The following LIPC variants were observed in gnomAD, a reference collection of about 807,000 sequenced individuals.
The protein encoded by LIPC is hepatic triacylglycerol lipase.
In LIPC, 44 loss-of-function variants were observed where a neutral mutation model predicts 50.7. The observed-to-expected ratio is 0.87, with a 90% CI of 0.68 to 1.11. The LOEUF is 1.11. Ranked by LOEUF, LIPC falls within the 50% of genes most tolerant of loss-of-function variation. The pLI is 0.00. For synonymous variants in LIPC, 271 were observed against 256.4 expected (o/e 1.06, Z -0.54); for missense variants, 697 against 648.2 (o/e 1.08, Z -0.82).
At chr15:58,469,198 G>A (rs1894693932) in intron 1 of LIPC, among the ~76,000 whole-genome samples, 1 of 150,882 alleles carries the variant, frequency 6.6e-6, no homozygotes, top group Admixed American at 6.6e-5. Flanking sequence ...GCAGTGGCAT[G>A]ATCGTAGTTT....
chr15:58,473,128 A>G (rs975225845), intron 1 of LIPC, among the ~76,000 whole-genome samples: 1 of 152,116 alleles, frequency 6.6e-6, no homozygotes, highest in Non-Finnish European at 1.5e-5. Flanking sequence ...TCAACCAAGG[A>G]TCAGCACTGG....
At chr15:58,561,917 C>T (rs1894177221) in intron 7 of LIPC, among the ~76,000 whole-genome samples, 1 of 152,146 alleles carries the variant, frequency 6.6e-6, no homozygotes, top group Non-Finnish European at 1.5e-5. Context: ...ATGCCCTTGG[C>T]TGAGAGGAGG....
At chr15:58,502,374 C>G (rs954577625) in intron 1 of LIPC, among the ~76,000 whole-genome samples, 1 of 152,120 alleles carries the variant, frequency 6.6e-6, no homozygotes, top group African/African-American at 2.4e-5. Flanking sequence ...TAGCTGCCAT[C>G]CCGAGTTTTA....
At chr15:58,488,560 T>A (rs1211717259) in intron 1 of LIPC, among the ~76,000 whole-genome samples, 2 of 152,240 alleles carry the variant, frequency 1.3e-5, no homozygotes, top group Non-Finnish European at 2.9e-5. Flanking sequence ...CATTCATTTC[T>A]TTCCTATATG....
intron 1 of LIPC, among the ~76,000 whole-genome samples, chr15:58,443,647 C>T (rs1344441052): frequency 6.6e-6 from 1 of 152,182 alleles, no homozygotes; most frequent in Non-Finnish European, 1.5e-5. Flanking sequence ...AAGACAACAC[C>T]TGAGAAAGCT....
At chr15:58,451,600 A>G (rs1244420389) in intron 1 of LIPC, among the ~76,000 whole-genome samples, 1 of 152,142 alleles carries the variant, frequency 6.6e-6, no homozygotes, top group South Asian at 2.1e-4. Flanking sequence ...GGAGAATGGG[A>G]TGTCTGATTG....
At chr15:58,481,640 T>TA (rs34548319) in intron 1 of LIPC, among the ~76,000 whole-genome samples, 15,495 of 151,902 alleles carry the variant, frequency 0.1, 1,041 homozygotes, top group Middle Eastern at 0.18. Flanking sequence ...CCATCTCTTC[T>TA]AAAAAAATAT....
At chr15:58,492,370 A>G in intron 1 of LIPC, among the ~76,000 whole-genome samples, 1 of 152,226 alleles carries the variant, frequency 6.6e-6, no homozygotes, top group Non-Finnish European at 1.5e-5. Context: ...ATGTTACTAT[A>G]ATATACATAG....
At position 58,563,578 on chromosome 15, in the gene LIPC, A is replaced by G. The variant is rs1352838129; in HGVS notation, c.1243A>G (p.Met415Val). The part of the protein sequence containing the change: ...TLDVDIGELI[M>V]IKFKWENSAV... ...GGATGTGGATATCGGCGAGCTGATC[A>G]TGATCAAGTTCAAGTGGGAAAACAG... Residue 415 changes from methionine to valine, a missense_variant, in exon 8 of 9, where the codon ATG becomes GTG. Coordinates refer to ENST00000299022, the MANE Select transcript of LIPC (RefSeq NM_000236.3). The G allele has an allele frequency of 1.9e-6, 3 of 1,614,080 alleles. No homozygotes were observed. Among genetic ancestry groups the G allele is most frequent in the Non-Finnish European group, 1.7e-6 (2 of 1,180,044 alleles).
chr15:58,509,655 G>C (rs1352884775), intron 1 of LIPC, among the ~76,000 whole-genome samples: 1 of 151,910 alleles, frequency 6.6e-6, no homozygotes, highest in Non-Finnish European at 1.5e-5. Context: ...TCCCCAGTAA[G>C]CCAGGACTCT....
intron 1 of LIPC, among the ~76,000 whole-genome samples, chr15:58,474,513 GAAAA>G (rs67354532): frequency 3.1e-5 from 4 of 130,782 alleles, no homozygotes; most frequent in Admixed American, 7.6e-5. Flanking sequence ...CCTGTCTCAG[GAAAA>G]AAAAAAAAAA....
At chr15:58,457,356 C>T (rs777848621) in intron 1 of LIPC, among the ~76,000 whole-genome samples, 5 of 152,176 alleles carry the variant, frequency 3.3e-5, no homozygotes, top group African/African-American at 7.2e-5. Context: ...GTGATCTGCC[C>T]GCTTCAGCCT....
chr15:58,482,041 C>T lies in LIPC; in HGVS notation c.88+49921C>T, dbSNP rs569699239. 2.6e-5 allele frequency among the ~76,000 whole-genome samples: 4 copies of T among 152,250 alleles called. No homozygotes were observed. The South Asian group carries it at 6.2e-4, about 24-fold the overall frequency. ...GCAGGAGGAGACTTGTCACTATATT[C>T]GGTATTCTCATTCATATGGACTAAA... On this transcript the variant is annotated intron_variant, in intron 1 of 8. Coordinates refer to ENST00000299022, the MANE Select transcript of LIPC (RefSeq NM_000236.3).
chr15:58,533,755 C>T (rs1893025386), intron 1 of LIPC, among the ~76,000 whole-genome samples: 1 of 152,012 alleles, frequency 6.6e-6, no homozygotes, highest in Admixed American at 6.6e-5. Context: ...CATAAGAAAA[C>T]ATTATGAAGA....
rs551603147 is a variant in LIPC at position 58,492,348 on chromosome 15, G to T, written c.89-45985G>T. Among the ~76,000 whole-genome samples the T allele has an allele frequency of 5.3e-5, 8 of 152,194 alleles. No individual in the cohort carries two copies. The South Asian group carries it at 1.7e-3, about 32-fold the overall frequency. On this transcript the variant is annotated intron_variant, in intron 1 of 8. Transcript: ENST00000299022. ...TATATTAATATTACTGTCATTAATT[G>T]ATATTATTGTAATGTTACTATAATA...
At chr15:58,439,878 A>C (rs970407926) in intron 1 of LIPC, among the ~76,000 whole-genome samples, 3 of 152,120 alleles carry the variant, frequency 2.0e-5, no homozygotes, top group Non-Finnish European at 4.4e-5. Flanking sequence ...GAGAACCACT[A>C]GAGAAAAAAC....
At chr15:58,468,006 G>A (rs1894636484) in intron 1 of LIPC, among the ~76,000 whole-genome samples, 1 of 152,074 alleles carries the variant, frequency 6.6e-6, no homozygotes, top group African/African-American at 2.4e-5. Context: ...TAAAATAATA[G>A]GACCCACTTC....
At chr15:58,465,593 C>T (rs1894528314) in intron 1 of LIPC, among the ~76,000 whole-genome samples, 1 of 151,978 alleles carries the variant, frequency 6.6e-6, no homozygotes, top group Admixed American at 6.6e-5. Context: ...CGGGTCAGAA[C>T]CGTAACATAA....
intron 1 of LIPC, among the ~76,000 whole-genome samples, chr15:58,443,683 G>A (rs1456383401): frequency 6.7e-6 from 1 of 148,530 alleles, no homozygotes; most frequent in African/African-American, 2.5e-5. Context: ...TCTGTCTCAC[G>A]CATGTGAAGA....
Sources: allele counts gnomAD v4.1 joint callset (sites outside exome capture counted in the v4.1 genomes callset), GRCh38; gene constraint gnomAD v4.1.1; transcripts MANE v1.5; gene names NCBI Gene and HGNC (gene_info 2026-07-23, HGNC 2026-07-21).